Variants in THADA observed in about 807,000 individuals in gnomAD.
The protein encoded by THADA is THADA armadillo repeat containing.
In THADA, 213 loss-of-function variants were observed where a neutral mutation model predicts 219.8. The observed-to-expected ratio is 0.97, with a 90% CI of 0.87 to 1.09. The LOEUF (loss-of-function observed/expected upper bound fraction) is 1.09. Ranked by LOEUF, THADA falls within the 50% of genes least tolerant of loss-of-function variation. The probability of loss-of-function intolerance (pLI) is 0.00; values close to 1 mark genes in which losing one functional copy is unlikely to be tolerated. For missense variants in THADA, 2,956 were observed against 2,311.3 expected, an observed-to-expected ratio of 1.28 and a Z score of -5.72; for synonymous variants, 1,018 against 828.9, an observed-to-expected ratio of 1.23 and a Z score of -3.92.
Position 43,392,926 on chromosome 2 carries a change from T to G in THADA, c.4227+5045A>C, listed in dbSNP as rs115241331. Among the ~76,000 whole-genome samples, 136 of 152,274 alleles carry G rather than the reference T, an allele frequency of 8.9e-4. 1 individual carries two copies. Among genetic ancestry groups the G allele is most frequent in the African/African-American group, 3.0e-3 (124 of 41,558 alleles). On this transcript the variant is annotated intron_variant, in intron 29 of 37. Coordinates refer to ENST00000405975, the MANE Select transcript of THADA (RefSeq NM_022065.5). ...ACAGTGTCTGCTGAATTAAATTCAG[T>G]CTTGACCACCTTCTCATGGTCCTAT...
intron 19 of THADA, among the ~76,000 whole-genome samples, chr2:43,550,894 G>C (rs1391720497): frequency 1.3e-5 from 2 of 152,116 alleles, no homozygotes; most frequent in East Asian, 1.9e-4. Context: ...AAGAGGCCAA[G>C]GCAGAAGGAT....
intron 31 of THADA, among the ~76,000 whole-genome samples, chr2:43,301,964 A>G (rs574448525): frequency 2.0e-4 from 31 of 152,322 alleles, no homozygotes; most frequent in Admixed American, 1.1e-3. Context: ...CAGGACACAA[A>G]TAACTGAAGT....
intron 36 of THADA, among the ~76,000 whole-genome samples, chr2:43,270,190 G>A (rs974038727): frequency 3.3e-5 from 5 of 152,070 alleles, no homozygotes; most frequent in East Asian, 3.9e-4. Flanking sequence ...TGTAGACCTC[G>A]TTTTTCTACT....
At chr2:43,552,778 A>G (rs1411815442) in intron 17 of THADA, among the ~76,000 whole-genome samples, 4 of 152,174 alleles carry the variant, frequency 2.6e-5, no homozygotes, top group Non-Finnish European at 5.9e-5. Flanking sequence ...AATTAATTTT[A>G]GAACATTTTC....
intron 36 of THADA, among the ~76,000 whole-genome samples, chr2:43,244,866 G>T (rs1272209815): frequency 6.6e-6 from 1 of 152,156 alleles, no homozygotes; most frequent in East Asian, 1.9e-4. Flanking sequence ...ATTCCTATCT[G>T]CATGGCCACT....
At chr2:43,579,515 A>G (rs1700193488) in intron 8 of THADA, among the ~76,000 whole-genome samples, 1 of 152,166 alleles carries the variant, frequency 6.6e-6, no homozygotes, top group Non-Finnish European at 1.5e-5. Flanking sequence ...ATCATAAACT[A>G]CGTACTAAAT....
At chr2:43,532,037 T>C (rs1216328827) in intron 21 of THADA, among the ~76,000 whole-genome samples, 1 of 151,952 alleles carries the variant, frequency 6.6e-6, no homozygotes. Flanking sequence ...TAAGGGTTCC[T>C]ACTGTCACAA....
At chr2:43,425,030 G>C (rs12989996) in intron 28 of THADA, among the ~76,000 whole-genome samples, 46,261 of 152,008 alleles carry the variant, frequency 0.3, 7,577 homozygotes, top group Non-Finnish European at 0.38. Flanking sequence ...ATACATTTCA[G>C]ACCCTATAGG....
intron 29 of THADA, among the ~76,000 whole-genome samples, chr2:43,347,204 G>T (rs1381269338): frequency 6.6e-6 from 1 of 152,120 alleles, no homozygotes; most frequent in Non-Finnish European, 1.5e-5. Flanking sequence ...GCGGCTTTGG[G>T]CAACTTAACC....
chr2:43,272,902 A>C (rs368294673), intron 36 of THADA, among the ~76,000 whole-genome samples: 8 of 152,192 alleles, frequency 5.3e-5, no homozygotes, highest in South Asian at 4.2e-4. Context: ...CTGGGATTAC[A>C]GGTATGTGCC....
chr2:43,556,163 G>GA, intron 17 of THADA, 182 bp downstream of exon 17: 1 of 1,273,428 alleles, frequency 7.9e-7, no homozygotes, highest in Non-Finnish European at 1.0e-6. Context: ...CCACTGTTTA[G>GA]AAAAAAGTAT....
chr2:43,506,329 T>C, intron 23 of THADA, among the ~76,000 whole-genome samples: 1 of 152,226 alleles, frequency 6.6e-6, no homozygotes, highest in East Asian at 1.9e-4. Flanking sequence ...TTACTTACTT[T>C]GTATCTAACA....
intron 31 of THADA, among the ~76,000 whole-genome samples, chr2:43,293,438 A>T (rs1462314299): frequency 6.6e-6 from 1 of 152,162 alleles, no homozygotes; most frequent in Non-Finnish European, 1.5e-5. Flanking sequence ...GCACAAAGGC[A>T]TTACTATTAG....
Position 43,560,258 on chromosome 2 carries a change from T to C in THADA, c.2439A>G (p.Leu813=). The change falls in exon 16 of 38, where the codon TTA becomes TTG. Residue 813 remains leucine, a synonymous_variant. Transcript: ENST00000405975. ...KILAFDLLMK[L]SKTAVHFQDS... ...CCTGAAAATGTACAGCTGTTTTTGA[T>C]AACTTCATCAGAAGATCAAATGCTA... is the stretch of plus-strand genomic sequence containing the variant. The C allele has an allele frequency of 6.2e-7, 1 of 1,612,266 alleles. No homozygotes were observed. Among genetic ancestry groups the C allele is most frequent in the Non-Finnish European group, 8.5e-7 (1 of 1,179,244 alleles).
chr2:43,278,821 G>A (rs1340128710), intron 36 of THADA, among the ~76,000 whole-genome samples: 1 of 152,192 alleles, frequency 6.6e-6, no homozygotes, highest in African/African-American at 2.4e-5. Flanking sequence ...AGTAACTGAT[G>A]AGGGGCCTTG....
chr2:43,395,897 C>T (rs1022123233), intron 29 of THADA, among the ~76,000 whole-genome samples: 1 of 152,148 alleles, frequency 6.6e-6, no homozygotes, highest in African/African-American at 2.4e-5. Context: ...GCTGGGACTA[C>T]AGGCGTGCAC....
intron 30 of THADA, among the ~76,000 whole-genome samples, chr2:43,323,292 C>G (rs1678962425): frequency 6.6e-6 from 1 of 152,158 alleles, no homozygotes; most frequent in African/African-American, 2.4e-5. Context: ...CAGGTGCATG[C>G]CACCACATCC....
chr2:43,414,721 A>T (rs1676724598), intron 28 of THADA, among the ~76,000 whole-genome samples: 1 of 152,194 alleles, frequency 6.6e-6, no homozygotes, highest in Admixed American at 6.5e-5. Context: ...CTAGGTAATT[A>T]ATGGTAGGGA....
In THADA at chr2:43,527,860, A is replaced by C. The variant is rs1229347335; in HGVS notation, c.3374+19T>G. 5 of 1,533,534 alleles carry C rather than the reference A, an allele frequency of 3.3e-6. No homozygotes were observed. The highest frequency in any genetic ancestry group is 9.0e-7 in the Non-Finnish European group (1 of 1,111,362). 95.0% of individuals were successfully genotyped at this position (1,533,534 alleles called of 1,614,324 possible). On this transcript the variant is annotated intron_variant, in intron 22 of 37. Coordinates refer to ENST00000405975, the MANE Select transcript of THADA (RefSeq NM_022065.5). The stretch of plus-strand genomic sequence containing the variant: ...TATTTAGTCTTTTTAAAACGTACAC[A>C]AAAGGATATTTGTTTTACCTGTTTA...
Sources: gnomAD v4.1 joint callset for allele counts (sites outside exome capture counted in the v4.1 genomes callset) on GRCh38, gnomAD v4.1.1 for gene constraint, MANE v1.5 for transcripts, NCBI Gene and HGNC (gene_info 2026-07-23, HGNC 2026-07-21) for gene names.